The following C8orf34 variants were observed in gnomAD, a reference collection of about 807,000 sequenced individuals.
The protein encoded by C8orf34 is chromosome 8 open reading frame 34.
In C8orf34, 65 loss-of-function variants were observed where a neutral mutation model predicts 68.3. The observed-to-expected ratio is 0.95, with a 90% CI of 0.78 to 1.17. The LOEUF (loss-of-function observed/expected upper bound fraction) is 1.17, where lower values mean the gene tolerates loss of function less well. Among genes scored for constraint, C8orf34 ranks in the 50% most tolerant of loss-of-function variants. The pLI, the probability that C8orf34 is intolerant of heterozygous loss-of-function variation, is 0.00. For synonymous variants in C8orf34, 244 were observed against 241.2 expected (o/e 1.01, Z -0.11); for missense variants, 664 against 655.4 (o/e 1.01, Z -0.14).
intron 1 of C8orf34, among the ~76,000 whole-genome samples, chr8:68,414,307 G>A (rs146075709): frequency 1.1e-3 from 172 of 152,232 alleles, no homozygotes; most frequent in African/African-American, 3.9e-3. Flanking sequence ...TCTAGACCAT[G>A]CCAGCCTTGT....
At chr8:68,376,595 CT>C (rs1807810600) in intron 1 of C8orf34, among the ~76,000 whole-genome samples, 1 of 151,672 alleles carries the variant, frequency 6.6e-6, no homozygotes, top group Non-Finnish European at 1.5e-5. Context: ...CTTTTATGTT[CT>C]GTGCATCTTT....
At chr8:68,569,973 G>A (rs1178684690) in intron 7 of C8orf34, among the ~76,000 whole-genome samples, 2 of 152,136 alleles carry the variant, frequency 1.3e-5, no homozygotes, top group African/African-American at 4.8e-5. Context: ...CTCTCTTCAG[G>A]CTGCTCTTTG....
chr8:68,507,833 T>C (rs1288157016), intron 5 of C8orf34, among the ~76,000 whole-genome samples: 1 of 152,224 alleles, frequency 6.6e-6, no homozygotes, highest in Non-Finnish European at 1.5e-5. Context: ...ATTCCTCTCT[T>C]CTTCTTATGT....
chr8:68,362,623 A>G (rs1807055217), intron 1 of C8orf34, among the ~76,000 whole-genome samples: 1 of 152,210 alleles, frequency 6.6e-6, no homozygotes, highest in Non-Finnish European at 1.5e-5. Flanking sequence ...GGCACCCCCC[A>G]GCAGGGGCAC....
At chr8:68,576,732 C>G (rs1254005188) in intron 7 of C8orf34, among the ~76,000 whole-genome samples, 1 of 151,914 alleles carries the variant, frequency 6.6e-6, no homozygotes, top group Non-Finnish European at 1.5e-5. Context: ...GCAAAGATTT[C>G]TGTGAAAATC....
At chr8:68,391,352 A>C (rs1164550512) in intron 1 of C8orf34, among the ~76,000 whole-genome samples, 1 of 151,592 alleles carries the variant, frequency 6.6e-6, no homozygotes, top group Non-Finnish European at 1.5e-5. Flanking sequence ...TTCAAATTGG[A>C]AGGAGATTGT....
chr8:68,741,761 A>G (rs1176533979), intron 10 of C8orf34, among the ~76,000 whole-genome samples: 3 of 152,106 alleles, frequency 2.0e-5, no homozygotes, highest in East Asian at 1.9e-4. Flanking sequence ...ACTCAACATT[A>G]TCTCCTCCAG....
chr8:68,545,239 TA>T (rs1055488655), intron 7 of C8orf34, among the ~76,000 whole-genome samples: 12 of 152,162 alleles, frequency 7.9e-5, no homozygotes, highest in Non-Finnish European at 8.8e-5. Flanking sequence ...GATTATTTTA[TA>T]AGGGGTTTCC....
At position 68,433,990 on chromosome 8, in the gene C8orf34, G is replaced by C. The variant is rs186961100; in HGVS notation, c.328-5509G>C. Among the ~76,000 whole-genome samples the C allele has an allele frequency of 6.6e-5, 10 of 152,148 alleles. No homozygotes were observed. In the East Asian group the frequency reaches 1.7e-3, roughly 26 times the overall value. ...AGCACTACAAGGTTATCTGTTACTG[G>C]TTATTAGACTCTTAAATTCCAGTAG... On this transcript the variant is annotated intron_variant, in intron 1 of 13. Coordinates refer to ENST00000518698, the MANE Select transcript of C8orf34 (RefSeq NM_052958.4).
chr8:68,380,974 G>T (rs1219200268), intron 1 of C8orf34, among the ~76,000 whole-genome samples: 1 of 152,158 alleles, frequency 6.6e-6, no homozygotes, highest in Non-Finnish European at 1.5e-5. Context: ...GCAAAAAAAT[G>T]ACAGTGAGAT....
chr8:68,548,718 T>A (rs1815969163), intron 7 of C8orf34, among the ~76,000 whole-genome samples: 1 of 151,782 alleles, frequency 6.6e-6, no homozygotes, highest in African/African-American at 2.4e-5. Context: ...ACAAAAATAT[T>A]TGCATAAGAA....
At chr8:68,703,892 T>C (rs1273929742) in intron 8 of C8orf34, among the ~76,000 whole-genome samples, 2 of 152,144 alleles carry the variant, frequency 1.3e-5, no homozygotes, top group Admixed American at 6.6e-5. Flanking sequence ...AGCTAAGAGC[T>C]ACTTAACCTT....
intron 7 of C8orf34, among the ~76,000 whole-genome samples, chr8:68,592,106 T>C (rs925093497): frequency 2.0e-5 from 3 of 152,180 alleles, no homozygotes; most frequent in African/African-American, 7.2e-5. Context: ...TATAACACAC[T>C]CATAACATTG....
chr8:68,438,204 C>CA (rs1443649768), intron 1 of C8orf34: 3 of 151,784 alleles, frequency 2.0e-5, no homozygotes, highest in African/African-American at 7.3e-5. Context: ...AAACTGATAT[C>CA]AAACTAAGAA....
At chr8:68,648,174 A>G (rs1374673136) in intron 8 of C8orf34, among the ~76,000 whole-genome samples, 1 of 152,182 alleles carries the variant, frequency 6.6e-6, no homozygotes, top group Non-Finnish European at 1.5e-5. Flanking sequence ...ATACAGTTAG[A>G]TATCCTCGAA....
chr8:68,767,961 T>G (rs181623607), intron 10 of C8orf34, among the ~76,000 whole-genome samples: 1 of 152,332 alleles, frequency 6.6e-6, no homozygotes, highest in East Asian at 1.9e-4. Context: ...TTTCCCTCAC[T>G]TACTATTTGG....
In C8orf34 at chr8:68,360,641, C is replaced by T. The variant is rs544274948; in HGVS notation, c.327+29302C>T. Among the ~76,000 whole-genome samples the T allele has an allele frequency of 5.3e-5, 8 of 152,260 alleles. No homozygotes were observed. The South Asian group carries it at 1.5e-3, about 28-fold the overall frequency. Reference sequence around the variant, plus strand: ...CTTAACTATACATTGTCCTCACACACTGCCTTTAGTGTCAGCCAGACCAGC... The same window carrying T: ...CTTAACTATACATTGTCCTCACACATTGCCTTTAGTGTCAGCCAGACCAGC... On this transcript the variant is annotated intron_variant, in intron 1 of 13. Coordinates refer to ENST00000518698, the MANE Select transcript of C8orf34 (RefSeq NM_052958.4).
At position 68,500,934 on chromosome 8, in the gene C8orf34, A is replaced by G. The variant is rs138939195; in HGVS notation, c.765+12883A>G. Among the ~76,000 whole-genome samples the G allele has an allele frequency of 9.8e-5, 15 of 152,310 alleles. No homozygotes were observed. In the East Asian group the frequency reaches 2.9e-3, roughly 29 times the overall value. The stretch of plus-strand genomic sequence containing the variant: ...GAGGCAGAAGAAGCTTGGGAATAAG[A>G]GACATTTGCCATGGCTGAACACTTC... On this transcript the variant is annotated intron_variant, in intron 5 of 13. Transcript: ENST00000518698.
At chr8:68,638,662 A>G (rs567259412) in intron 7 of C8orf34, among the ~76,000 whole-genome samples, 13 of 151,998 alleles carry the variant, frequency 8.6e-5, no homozygotes, top group Admixed American at 2.0e-4. Context: ...GTACCTGTAT[A>G]TATATTTACT....
Sources: allele counts gnomAD v4.1 joint callset (sites outside exome capture counted in the v4.1 genomes callset), GRCh38; gene constraint gnomAD v4.1.1; transcripts MANE v1.5; gene names NCBI Gene and HGNC (gene_info 2026-07-23, HGNC 2026-07-21).